OS9: variants seen among roughly 807,000 people sequenced by gnomAD.
OS9 encodes OS9 endoplasmic reticulum lectin.
A neutral mutation model predicts 84.7 loss-of-function variants in OS9; 58 were observed. The observed-to-expected ratio is 0.68, with a 90% confidence interval of 0.55 to 0.85. The LOEUF (loss-of-function observed/expected upper bound fraction) is 0.85. Ranked by LOEUF, OS9 falls within the 40% of genes least tolerant of loss-of-function variation. OS9 has a pLI of 0.00. For missense variants in OS9, 760 were observed against 850.9 expected (o/e 0.89, Z 1.33); for synonymous variants, 278 against 320.8 (o/e 0.87, Z 1.43).
chr12:57,696,284 C>T lies in OS9; in HGVS notation c.490C>T (p.Gln164Ter), dbSNP rs769079356. The change falls in exon 5 of 15, where the codon CAG (glutamine) becomes TAG (stop). Residue 164 changes from glutamine to a stop codon, truncating the protein, a stop_gained. Coordinates refer to ENST00000315970, the MANE Select transcript of OS9 (RefSeq NM_006812.4). LOFTEE classifies it high-confidence loss of function. ...WDDETAKASK[Q>*]HRLKRYHSQT... ...CTCATGTCTTCTCCAGGCCTCCAAG[C>T]AGCATCGTCTTAAACGCTACCACAG... 1.2e-6 allele frequency: 2 copies of T among 1,610,882 alleles called. No homozygotes were observed. Among genetic ancestry groups the T allele is most frequent in the Non-Finnish European group, 1.7e-6 (2 of 1,178,188 alleles).
Position 57,715,832 on chromosome 12 carries a change from T to C in OS9, c.652T>C (p.Tyr218His). 6.2e-7 allele frequency: 1 copy of C among 1,613,994 alleles called. No individual in the cohort carries two copies. The highest frequency in any genetic ancestry group is 1.1e-5 in the South Asian group (1 of 91,030). Residue 218 changes from tyrosine to histidine, a missense_variant, in exon 6 of 15, where the codon TAT becomes CAT. Transcript: ENST00000315970. ...CGTGGACGAGCCCTTGTCCTGCTCT[T>C]ATGTGCTGACCATTCGCACTCCTCG... is the stretch of plus-strand genomic sequence containing the variant. ...DRVDEPLSCS[Y>H]VLTIRTPRLC...
At chr12:57,715,300 T>C (rs879727399) in intron 5 of OS9, among the ~76,000 whole-genome samples, 9 of 151,910 alleles carry the variant, frequency 5.9e-5, no homozygotes, top group Admixed American at 5.9e-4. Flanking sequence ...GAGGCGGAGG[T>C]TGCAGTGAGC....
intron 5 of OS9, among the ~76,000 whole-genome samples, chr12:57,710,006 C>T (rs1010687230): frequency 4.6e-5 from 7 of 152,060 alleles, no homozygotes; most frequent in Non-Finnish European, 1.0e-4. Context: ...GCGTGTGCCA[C>T]CATGCCCAGC....
chr12:57,719,686 G>A (rs575485548), intron 12 of OS9: 1 of 196,990 alleles, frequency 5.1e-6, no homozygotes, highest in Admixed American at 5.3e-5. Context: ...ATTCTAAATG[G>A]AATGTTCCAG....
intron 7 of OS9, 95 bp downstream of exon 7, chr12:57,716,288 G>GC: frequency 1.4e-6 from 1 of 730,876 alleles, no homozygotes; most frequent in South Asian, 1.5e-5. Flanking sequence ...GTGGGGGGGG[G>GC]TGGAAAAGTA....
chr12:57,696,837 C>T (rs376242333), intron 5 of OS9, among the ~76,000 whole-genome samples: 50 of 151,864 alleles, frequency 3.3e-4, no homozygotes, highest in African/African-American at 1.2e-3. Context: ...ATTTCCAGGC[C>T]GGGCACGGTG....
rs533819289 is a variant in OS9 at position 57,721,466 on chromosome 12, A to G, written c.*557A>G. On this transcript the variant is annotated 3_prime_UTR_variant, in exon 15 of 15. Coordinates refer to ENST00000315970, the MANE Select transcript of OS9 (RefSeq NM_006812.4). ...CTGAGGAAATGGTAGAATGCTGCCT[A>G]TCACCTCCAGCACAATCCCAGTGAA... 7 of 154,772 alleles carry G rather than the reference A, an allele frequency of 4.5e-5. No homozygotes were observed. Among genetic ancestry groups the G allele is most frequent in the Non-Finnish European group, 1.4e-5 (1 of 69,478 alleles). The allele number at this position is 154,772 out of a possible 1,614,324, so 9.6% of individuals were successfully genotyped here.
chr12:57,697,061 A>C (rs1796035941), intron 5 of OS9, among the ~76,000 whole-genome samples: 1 of 152,240 alleles, frequency 6.6e-6, no homozygotes, highest in African/African-American at 2.4e-5. Flanking sequence ...ACACCTGTAA[A>C]GAATTACATG....
chr12:57,714,714 G>T (rs1954432456), intron 5 of OS9, among the ~76,000 whole-genome samples: 2 of 152,132 alleles, frequency 1.3e-5, no homozygotes, highest in Admixed American at 6.6e-5. Context: ...TCCTGCCTCA[G>T]TCTCCCAAGT....
Position 57,720,583 on chromosome 12 carries a change from C to T in OS9, c.1878+65C>T, listed in dbSNP as rs1954651219. 2.2e-6 allele frequency: 3 copies of T among 1,340,204 alleles called. No homozygotes were observed. The South Asian group carries it at 3.5e-5, about 16-fold the overall frequency. The allele number at this position is 1,340,204 out of a possible 1,614,324, so 83.0% of individuals were successfully genotyped here. A position where few individuals can be genotyped will look rare whatever the true frequency, so the allele number is the denominator to read the frequency against. ...CCTGGAGTGGAGGTGCGGGCTTGCC[C>T]CAGCCACGCCATTGCTGAGCTTCCA... On this transcript the variant is annotated intron_variant, in intron 14 of 14. Transcript: ENST00000315970.
Position 57,715,776 on chromosome 12 carries a change from G to A in OS9, c.596G>A (p.Gly199Asp), listed in dbSNP as rs113307616. Residue 199 changes from glycine to aspartate, a missense_variant, in exon 6 of 15, where the codon GGT becomes GAT. Physicochemically the swap from Gly to Asp is moderately conservative, Grantham distance 94. Coordinates refer to ENST00000315970, the MANE Select transcript of OS9 (RefSeq NM_006812.4). ...EAEVRFLCDE[G>D]AGISGDYIDR... Reference sequence around the variant, plus strand: ...TCCTGGCAGTTCCTCTGTGACGAGGGTGCAGGTATCTCTGGGGACTACATC... The same window carrying A: ...TCCTGGCAGTTCCTCTGTGACGAGGATGCAGGTATCTCTGGGGACTACATC... 42 of 1,609,398 alleles carry A rather than the reference G, an allele frequency of 2.6e-5. No individual in the cohort carries two copies. The highest frequency in any genetic ancestry group is 1.0e-4 in the Admixed American group (6 of 59,346).
intron 5 of OS9, among the ~76,000 whole-genome samples, chr12:57,713,799 G>A (rs1358831678): frequency 6.6e-6 from 1 of 150,976 alleles, no homozygotes; most frequent in Non-Finnish European, 1.5e-5. Flanking sequence ...GAGGGAGCAT[G>A]TCATGGTTCA....
intron 5 of OS9, among the ~76,000 whole-genome samples, chr12:57,701,063 A>G (rs1055189008): frequency 3.9e-5 from 3 of 77,060 alleles, no homozygotes; most frequent in African/African-American, 1.5e-4. Context: ...CCACCTTCAT[A>G]TTTAGTCACT....
At position 57,717,927 on chromosome 12, in the gene OS9, T is replaced by C. The variant is rs1206764019; in HGVS notation, c.1103T>C (p.Phe368Ser). ...VIRSPADLIR[F>S]IEELKGGTKK... The stretch of plus-strand genomic sequence containing the variant: ...CGAAGCCCTGCGGATTTGATTCGAT[T>C]CATAGAGGAGCTGAAAGGTGGAACA... Residue 368 changes from phenylalanine (F) to serine (S), a missense_variant, in exon 10 of 15, where the codon TTC becomes TCC. Physicochemically the swap from Phe to Ser is radical, Grantham distance 155. Transcript: ENST00000315970. 1 of 1,612,734 alleles carries C rather than the reference T, an allele frequency of 6.2e-7. No homozygotes were observed. The highest frequency in any genetic ancestry group is 2.2e-5 in the East Asian group (1 of 44,882).
rs751534638 is a variant in OS9 at position 57,719,068 on chromosome 12, A to G, written c.1486A>G (p.Thr496Ala). The G allele has an allele frequency of 1.1e-5, 17 of 1,613,636 alleles. No individual in the cohort carries two copies. The East Asian group carries it at 3.3e-4, about 32-fold the overall frequency. Residue 496 changes from threonine to alanine, a missense_variant, in exon 12 of 15, where the codon ACT becomes GCT. Transcript: ENST00000315970. ...RDRAMLALTS[T>A]LNKLIKRLEE... is the part of the protein sequence containing the mutation. Reference sequence around the variant, plus strand: ...TCGGGCAATGCTGGCTCTCACATCCACTCTCAACAAACTCATCAAAAGACT... The same window carrying G: ...TCGGGCAATGCTGGCTCTCACATCCGCTCTCAACAAACTCATCAAAAGACT...
chr12:57,716,527 C>T lies in OS9; in HGVS notation c.993+15C>T. The stretch of plus-strand genomic sequence containing the variant: ...TGCCGGCTGAGGTGAGACCAGCTGC[C>T]TCAGAGGAGCAGGATGGGGATGGGG... On this transcript the variant is annotated intron_variant, in intron 8 of 14. Coordinates refer to ENST00000315970, the MANE Select transcript of OS9 (RefSeq NM_006812.4). 1 of 1,565,404 alleles carries T rather than the reference C, an allele frequency of 6.4e-7. No homozygotes were observed. The highest frequency in any genetic ancestry group is 8.7e-7 in the Non-Finnish European group (1 of 1,150,538).
At chr12:57,697,920 C>CCTA (rs1555192641) in intron 5 of OS9, among the ~76,000 whole-genome samples, 22,348 of 79,692 alleles carry the variant, frequency 0.28, 2,834 homozygotes, top group Middle Eastern at 0.39. Context: ...CACACACACA[C>CCTA]ACATACACAC....
chr12:57,701,180 T>C (rs867792941), intron 5 of OS9, among the ~76,000 whole-genome samples: 7 of 151,932 alleles, frequency 4.6e-5, no homozygotes, highest in Admixed American at 1.3e-4. Context: ...TTTAAAATTA[T>C]ACATCAGGAG....
chr12:57,716,463 T>C lies in OS9; in HGVS notation c.944T>C (p.Leu315Pro). The stretch of plus-strand genomic sequence containing the variant: ...AAGGACTCAGATTTCTGGAAGATGC[T>C]TAATGAGCCAGAGGACCAGGCCCCA... ...DSKDSDFWKM[L>P]NEPEDQAPGG... Residue 315 changes from leucine (L) to proline (P), a missense_variant, in exon 8 of 15, where the codon CTT (leucine) becomes CCT (proline). Transcript: ENST00000315970. The C allele has an allele frequency of 6.4e-7, 1 of 1,572,368 alleles. No individual in the cohort carries two copies. The highest frequency in any genetic ancestry group is 8.6e-7 in the Non-Finnish European group (1 of 1,158,006).
Sources: allele counts gnomAD v4.1 joint callset (sites outside exome capture counted in the v4.1 genomes callset), GRCh38; gene constraint gnomAD v4.1.1; transcripts MANE v1.5; gene names NCBI Gene and HGNC (gene_info 2026-07-23, HGNC 2026-07-21).